Variants in RALGAPA2 observed in about 807,000 individuals in gnomAD.
RALGAPA2 encodes the protein Ral GTPase activating protein catalytic subunit alpha 2.
Under a neutral mutation model 230.4 loss-of-function variants are expected in RALGAPA2, and 139 were observed. The ratio of observed to expected loss-of-function variants is 0.60; its 90% CI spans 0.53 to 0.69. The LOEUF (loss-of-function observed/expected upper bound fraction) is 0.69. RALGAPA2 is among the 30% of genes least tolerant of loss of function. The pLI, the probability that RALGAPA2 is intolerant of heterozygous loss-of-function variation, is 0.00. For missense variants in RALGAPA2, 2,163 were observed against 2,276.0 expected (o/e 0.95, Z 1.01); for synonymous variants, 847 against 837.8 (o/e 1.01, Z -0.19).
intron 3 of RALGAPA2, among the ~76,000 whole-genome samples, chr20:20,656,169 C>T (rs901538536): frequency 6.6e-6 from 1 of 152,126 alleles, no homozygotes; most frequent in African/African-American, 2.4e-5. Context: ...TGGAGGTATC[C>T]GTGAGCTGAG....
At chr20:20,493,597 T>C (rs2123590119) in intron 36 of RALGAPA2, among the ~76,000 whole-genome samples, 1 of 152,316 alleles carries the variant, frequency 6.6e-6, no homozygotes. Flanking sequence ...TTTAGGACAT[T>C]AAATGACATT....
chr20:20,554,367 T>C (rs970122624), intron 23 of RALGAPA2, among the ~76,000 whole-genome samples: 15 of 152,242 alleles, frequency 9.9e-5, no homozygotes, highest in Admixed American at 2.0e-4. Context: ...TCCTTCAAAT[T>C]AATATTCCAT....
At chr20:20,543,749 A>C (rs1462717442) in intron 24 of RALGAPA2, among the ~76,000 whole-genome samples, 1 of 152,052 alleles carries the variant, frequency 6.6e-6, no homozygotes, top group Non-Finnish European at 1.5e-5. Context: ...GGGAGCGGGG[A>C]GGGATAGCAT....
chr20:20,450,785 T>G (rs1731252013), intron 37 of RALGAPA2, among the ~76,000 whole-genome samples: 1 of 152,252 alleles, frequency 6.6e-6, no homozygotes, highest in Non-Finnish European at 1.5e-5. Flanking sequence ...TGTTCCAAAC[T>G]GCCTTTTGGA....
At chr20:20,416,624 G>T (rs113916440) in intron 37 of RALGAPA2, among the ~76,000 whole-genome samples, 4 of 152,294 alleles carry the variant, frequency 2.6e-5, no homozygotes, top group African/African-American at 9.6e-5. Flanking sequence ...ACCTGAGTGC[G>T]TATGTGTAAG....
chr20:20,670,958 AAAAAAAAAAAAAT>A lies in RALGAPA2; in HGVS notation c.270+5265_270+5277del, dbSNP rs2068115963. Among the ~76,000 whole-genome samples the A allele has an allele frequency of 3.9e-5, 6 of 151,982 alleles. 1 individual carries two copies. The South Asian group carries it at 1.0e-3, about 26-fold the overall frequency. ...GAGCAAGACTCCGTCTCAAAAAAAA[AAAAAAAAAAAAAT>A]ATGATAAACAACTCCATGAACCAAC... On this transcript the variant is annotated intron_variant, in intron 3 of 39. Coordinates refer to ENST00000202677, the MANE Select transcript of RALGAPA2 (RefSeq NM_020343.4).
At position 20,712,622 on chromosome 20, in the gene RALGAPA2, G is replaced by A; in HGVS notation, c.-142C>T. On this transcript the variant is annotated 5_prime_UTR_variant, in exon 1 of 40. Coordinates refer to ENST00000202677, the MANE Select transcript of RALGAPA2 (RefSeq NM_020343.4). This position sits in a 1 kb window ranked among gnomAD's most constrained non-coding sequence, Gnocchi z 5.5. ...CGCTGCTGCCGCCGCCGCCGCCGCCGCCGCCGCCTCAGCTGTGTCTCCAGG... is the reference window on the plus strand; with the variant it reads ...CGCTGCTGCCGCCGCCGCCGCCGCCACCGCCGCCTCAGCTGTGTCTCCAGG... The A allele has an allele frequency of 1.7e-6, 2 of 1,190,712 alleles. No homozygotes were observed. The highest frequency in any genetic ancestry group is 2.1e-6 in the Non-Finnish European group (2 of 957,352). 73.8% of individuals were successfully genotyped at this position (1,190,712 alleles called of 1,614,324 possible). A position where few individuals can be genotyped will look rare whatever the true frequency, so the allele number is the denominator to read the frequency against.
chr20:20,605,049 T>G, intron 15 of RALGAPA2, 126 bp downstream of exon 15: 1 of 732,052 alleles, frequency 1.4e-6, no homozygotes, highest in Non-Finnish European at 2.3e-6. Flanking sequence ...AATGCCACTA[T>G]TAAGAAGACA....
At chr20:20,513,318 G>C (rs1011242288) in intron 31 of RALGAPA2, 34 bp from the exon 32 acceptor site, 1 of 1,377,796 alleles carries the variant, frequency 7.3e-7, no homozygotes, top group Non-Finnish European at 9.4e-7. Flanking sequence ...TAAAGAGTCA[G>C]TGGTGAATGA....
At chr20:20,643,244 T>C (rs1027046736) in intron 5 of RALGAPA2, among the ~76,000 whole-genome samples, 3 of 152,206 alleles carry the variant, frequency 2.0e-5, no homozygotes, top group African/African-American at 7.2e-5. Context: ...TCCCTACCCA[T>C]ACCCAGCAGA....
chr20:20,669,614 T>C (rs1211800656), intron 3 of RALGAPA2, among the ~76,000 whole-genome samples: 4 of 152,210 alleles, frequency 2.6e-5, no homozygotes. Flanking sequence ...TTTACTTACC[T>C]GGCCTTGCCC....
intron 36 of RALGAPA2, among the ~76,000 whole-genome samples, chr20:20,493,554 G>T (rs1231694742): frequency 6.6e-6 from 1 of 152,114 alleles, no homozygotes; most frequent in Non-Finnish European, 1.5e-5. Flanking sequence ...AAAATGGCTT[G>T]CATGTTTTTT....
intron 10 of RALGAPA2, among the ~76,000 whole-genome samples, chr20:20,625,203 CT>C (rs950457703): frequency 7.9e-5 from 12 of 152,102 alleles, no homozygotes; most frequent in Non-Finnish European, 1.5e-4. Context: ...GTACACCCCC[CT>C]GTCTCTCTAC....
intron 37 of RALGAPA2, among the ~76,000 whole-genome samples, chr20:20,458,756 A>ACCTATATATATATAGG (rs2061206671): frequency 7.8e-6 from 1 of 127,930 alleles, no homozygotes. Context: ...ATACATACAC[A>ACCTATATATATATAGG]CCTATATATA....
chr20:20,396,259 C>T (rs1233097495), intron 39 of RALGAPA2, among the ~76,000 whole-genome samples: 3 of 152,276 alleles, frequency 2.0e-5, no homozygotes, highest in South Asian at 2.1e-4. Flanking sequence ...CTGCCCTCCC[C>T]GCATGGAGGT....
intron 3 of RALGAPA2, among the ~76,000 whole-genome samples, chr20:20,655,818 G>C (rs967329142): frequency 6.6e-6 from 1 of 152,172 alleles, no homozygotes; most frequent in African/African-American, 2.4e-5. Flanking sequence ...TGATATGCAG[G>C]AGATAAAATT....
At chr20:20,555,754 T>C (rs1312199281) in intron 23 of RALGAPA2, among the ~76,000 whole-genome samples, 2 of 152,234 alleles carry the variant, frequency 1.3e-5, no homozygotes, top group South Asian at 2.1e-4. Context: ...TGATCTTGTA[T>C]CCTGCAATCT....
At chr20:20,596,940 G>A (rs540130184) in intron 16 of RALGAPA2, among the ~76,000 whole-genome samples, 40 of 152,322 alleles carry the variant, frequency 2.6e-4, no homozygotes, top group Non-Finnish European at 5.0e-4. Context: ...TCCAGGCATT[G>A]TTGAAATTGT....
In RALGAPA2 at chr20:20,674,820, A is replaced by G. The variant is rs1018528710; in HGVS notation, c.270+1416T>C. The stretch of plus-strand genomic sequence containing the variant: ...CAAGAAATTATTTAAGGGTACAAAT[A>G]TGTGTGGCAAAGCCATTTTTTAAAA... On this transcript the variant is annotated intron_variant, in intron 3 of 39. Coordinates refer to ENST00000202677, the MANE Select transcript of RALGAPA2 (RefSeq NM_020343.4). Among the ~76,000 whole-genome samples, 14 of 152,358 alleles carry G rather than the reference A, an allele frequency of 9.2e-5. No individual in the cohort carries two copies. The South Asian group carries it at 1.0e-3, about 11-fold the overall frequency.
Sources: gnomAD v4.1 joint callset for allele counts (sites outside exome capture counted in the v4.1 genomes callset) on GRCh38, gnomAD v4.1.1 for gene constraint, Gnocchi (gnomAD v3.1) non-coding constraint, MANE v1.5 for transcripts, NCBI Gene and HGNC (gene_info 2026-07-23, HGNC 2026-07-21) for gene names.